DMD: variants seen among roughly 807,000 people sequenced by gnomAD.
The protein encoded by DMD is mutant dystrophin.
In DMD, 63 loss-of-function variants were observed where a neutral mutation model predicts 330.1. The observed-to-expected ratio is 0.19, with a 90% CI of 0.16 to 0.24. DMD has a LOEUF of 0.24. Among genes scored for constraint, DMD ranks in the 10% least tolerant of loss-of-function variants. The probability of loss-of-function intolerance (pLI) is 1.00; values close to 1 mark genes in which losing one functional copy is unlikely to be tolerated. For synonymous variants in DMD, 1,223 were observed against 959.8 expected, an observed-to-expected ratio of 1.27 and a Z score of -5.07; for missense variants, 3,344 against 2,684.1, an observed-to-expected ratio of 1.25 and a Z score of -5.43.
chrX:32,887,180 T>C (rs1366514732), intron 2 of DMD, among the ~76,000 whole-genome samples: 3 of 108,750 alleles, frequency 2.8e-5, no homozygotes, highest in Non-Finnish European at 5.7e-5. Flanking sequence ...ACCCCGTCTC[T>C]ACTAAAAATA....
chrX:32,558,578 T>C (rs1403180489), intron 16 of DMD, among the ~76,000 whole-genome samples: 1 of 111,558 alleles, frequency 9.0e-6, no homozygotes, highest in Non-Finnish European at 1.9e-5. Context: ...CATTATTTTT[T>C]AGCTGCCTTT....
chrX:32,660,414 G>T (rs1046646285), intron 9 of DMD, among the ~76,000 whole-genome samples: 2 of 111,160 alleles, frequency 1.8e-5, no homozygotes, highest in Non-Finnish European at 3.8e-5. Flanking sequence ...GGTGAACATA[G>T]AAAGTAAACG....
At chrX:32,220,511 A>G (rs1367717503) in intron 43 of DMD, among the ~76,000 whole-genome samples, 1 of 111,589 alleles carries the variant, frequency 9.0e-6, no homozygotes, top group African/African-American at 3.2e-5. Context: ...ATTTTAAAAT[A>G]CACTTTTCAG....
intron 29 of DMD, among the ~76,000 whole-genome samples, chrX:32,434,474 C>T (rs960581057): frequency 2.7e-5 from 3 of 111,533 alleles, no homozygotes; most frequent in African/African-American, 9.8e-5. Context: ...GTTTAACCAA[C>T]CAAAAATCAA....
Position 32,518,009 on chromosome X carries a change from T to C in DMD, c.2291A>G (p.Asn764Ser), listed in dbSNP as rs199588981. The stretch of plus-strand genomic sequence containing the variant: ...TATAAAAATTAATGCATAACCTACA[T>C]TGACTTTTTCTTTTAAGTCTGAGAA... The part of the protein sequence containing the change: ...GNFSDLKEKV[N>S]AIEREKAEKF... Residue 764 changes from asparagine to serine, a missense_variant and splice_region_variant, in exon 18 of 79, where the codon AAT becomes AGT. Physicochemically the swap from Asn to Ser is conservative, Grantham distance 46 (BLOSUM62 1). Transcript: ENST00000357033. 237 of 1,209,195 alleles carry C rather than the reference T, an allele frequency of 2.0e-4. No individual in the cohort carries two copies. In the East Asian group the frequency reaches 3.0e-3, roughly 15 times the overall value.
chrX:31,135,270 TGA>T (rs1232753663), intron 76 of DMD, among the ~76,000 whole-genome samples: 1 of 111,873 alleles, frequency 8.9e-6, no homozygotes, highest in Non-Finnish European at 1.9e-5. Flanking sequence ...GTTGAGACAC[TGA>T]GGTCTTTTTT....
intron 1 of DMD, among the ~76,000 whole-genome samples, chrX:33,124,500 A>AC (rs2095447959): frequency 3.8e-5 from 4 of 104,398 alleles, no homozygotes; most frequent in African/African-American, 1.5e-4. Context: ...AAAAAAAAAA[A>AC]AAAAAAAAAA....
chrX:32,242,827 T>A (rs922768579), intron 43 of DMD, among the ~76,000 whole-genome samples: 1 of 109,963 alleles, frequency 9.1e-6, no homozygotes, highest in Non-Finnish European at 1.9e-5. Context: ...GAAATGAGGA[T>A]AGAATTGGGA....
At chrX:32,183,586 A>ATATATATATAAATATATATATATG (rs1557196749) in intron 44 of DMD, among the ~76,000 whole-genome samples, 2 of 99,040 alleles carry the variant, frequency 2.0e-5, no homozygotes, top group East Asian at 3.1e-4. Flanking sequence ...ATATATATAT[A>ATATATATATAAATATATATATATG]TATGTATGTA....
chrX:31,127,077 A>T (rs2033824827), intron 77 of DMD, among the ~76,000 whole-genome samples: 2 of 112,304 alleles, frequency 1.8e-5, no homozygotes, highest in African/African-American at 6.5e-5. Flanking sequence ...TTGAAACATA[A>T]ACAGTAGTTG....
intron 2 of DMD, among the ~76,000 whole-genome samples, chrX:32,858,079 G>C (rs2081738652): frequency 1.8e-5 from 2 of 110,357 alleles, no homozygotes; most frequent in African/African-American, 6.6e-5. Context: ...ATATATTAAA[G>C]TATCACAATT....
intron 7 of DMD, among the ~76,000 whole-genome samples, chrX:32,780,163 AAC>A (rs917558484): frequency 3.6e-5 from 4 of 111,950 alleles, no homozygotes; most frequent in African/African-American, 1.3e-4. Flanking sequence ...TTCTAATTGT[AAC>A]AGTCAATTTT....
chrX:32,854,341 T>C (rs1220354342), intron 2 of DMD, among the ~76,000 whole-genome samples: 1 of 111,797 alleles, frequency 8.9e-6, no homozygotes, highest in East Asian at 2.8e-4. Context: ...TAAAGTATCT[T>C]ATCTGACCAC....
chrX:31,857,138 G>A (rs2093625419), intron 48 of DMD, among the ~76,000 whole-genome samples: 1 of 110,118 alleles, frequency 9.1e-6, no homozygotes, highest in Non-Finnish European at 1.9e-5. Context: ...CAGCACTTTC[G>A]GATGCTGAGG....
At chrX:31,526,882 G>C (rs750825399) in intron 55 of DMD, among the ~76,000 whole-genome samples, 12 of 112,323 alleles carry the variant, frequency 1.1e-4, no homozygotes, top group Non-Finnish European at 1.9e-4. Flanking sequence ...GGCCAAGGTG[G>C]GTGGATCACT....
intron 1 of DMD, among the ~76,000 whole-genome samples, chrX:33,073,872 T>TAAATAAATAAAC (rs1382083916): frequency 9.8e-6 from 1 of 102,328 alleles, no homozygotes. Flanking sequence ...AATAAATAAA[T>TAAATAAATAAAC]AAACAGCTAA....
chrX:32,827,867 G>C (rs1018705868), intron 4 of DMD, among the ~76,000 whole-genome samples: 1 of 110,445 alleles, frequency 9.1e-6, no homozygotes, highest in Non-Finnish European at 1.9e-5. Context: ...CTCCATGTTG[G>C]TCAGGCTGGT....
intron 49 of DMD, among the ~76,000 whole-genome samples, chrX:31,830,853 A>T (rs1334864256): frequency 5.4e-5 from 6 of 111,691 alleles, no homozygotes; most frequent in Non-Finnish European, 1.1e-4. Context: ...CAAGACAGAG[A>T]CAAGGCCTTT....
chrX:32,838,733 C>T (rs1603445043), intron 4 of DMD, among the ~76,000 whole-genome samples: 1 of 112,052 alleles, frequency 8.9e-6, no homozygotes. Context: ...AATGAGATAC[C>T]ATTTAACAAC....
Sources: allele counts gnomAD v4.1 joint callset (sites outside exome capture counted in the v4.1 genomes callset), GRCh38; gene constraint gnomAD v4.1.1; transcripts MANE v1.5; gene names NCBI Gene and HGNC (gene_info 2026-07-23, HGNC 2026-07-21).